CHD9: variants seen among roughly 807,000 people sequenced by gnomAD.
CHD9 encodes the protein chromodomain helicase DNA binding protein 9.
Under a neutral mutation model 316.1 loss-of-function variants are expected in CHD9, and 77 were observed. The observed-to-expected ratio is 0.24, with a 90% CI of 0.20 to 0.29. CHD9 has a LOEUF of 0.29. Among genes scored for constraint, CHD9 ranks in the 10% least tolerant of loss-of-function variants. The pLI is 1.00. For synonymous variants in CHD9, 1,129 were observed against 1,158.3 expected (o/e 0.97, Z 0.51); for missense variants, 2,763 against 3,438.1 (o/e 0.80, Z 4.91).
chr16:53,170,877 A>G (rs1001903809), intron 2 of CHD9, among the ~76,000 whole-genome samples: 1 of 152,156 alleles, frequency 6.6e-6, no homozygotes, highest in African/African-American at 2.4e-5. Context: ...AACACTTATC[A>G]TAAATAATAC....
chr16:53,256,218 CT>C (rs766285927), intron 19 of CHD9, among the ~76,000 whole-genome samples: 4 of 152,002 alleles, frequency 2.6e-5, no homozygotes, highest in Non-Finnish European at 5.9e-5. Flanking sequence ...AATCCCAGCA[CT>C]TTGGGAGCCA....
At chr16:53,251,382 G>C (rs1186371592) in intron 17 of CHD9, among the ~76,000 whole-genome samples, 1 of 152,170 alleles carries the variant, frequency 6.6e-6, no homozygotes, top group Non-Finnish European at 1.5e-5. Flanking sequence ...AAAGTATCCT[G>C]AATCTCCCAA....
At chr16:53,159,135 A>G (rs1264984739) in intron 2 of CHD9, among the ~76,000 whole-genome samples, 1 of 152,106 alleles carries the variant, frequency 6.6e-6, no homozygotes, top group East Asian at 1.9e-4. Flanking sequence ...TTAAAAAATT[A>G]GCCAGGTATG....
intron 1 of CHD9, among the ~76,000 whole-genome samples, chr16:53,122,626 A>C (rs2038791895): frequency 6.7e-6 from 1 of 150,052 alleles, no homozygotes; most frequent in African/African-American, 2.5e-5. Flanking sequence ...CTCACTGCAA[A>C]CTCCACCTCC....
chr16:53,254,979 T>C (rs1054685423), intron 18 of CHD9, among the ~76,000 whole-genome samples: 1 of 152,176 alleles, frequency 6.6e-6, no homozygotes, highest in Non-Finnish European at 1.5e-5. Context: ...TGGCTTTTTT[T>C]TCGCTCAAGG....
chr16:53,139,265 T>C (rs1478813825), intron 1 of CHD9, among the ~76,000 whole-genome samples: 1 of 152,062 alleles, frequency 6.6e-6, no homozygotes, highest in Non-Finnish European at 1.5e-5. Context: ...ATAAAATAAC[T>C]ACAGTGAGAT....
intron 24 of CHD9, among the ~76,000 whole-genome samples, chr16:53,278,728 C>T (rs2053114565): frequency 6.6e-6 from 1 of 152,292 alleles, no homozygotes; most frequent in South Asian, 2.1e-4. Flanking sequence ...CAAAAGAAGA[C>T]ATTTATGCAG....
chr16:53,262,144 C>T, intron 19 of CHD9, among the ~76,000 whole-genome samples: 1 of 152,084 alleles, frequency 6.6e-6, no homozygotes, highest in East Asian at 1.9e-4. Context: ...CCATATTCTT[C>T]TATTTATTTT....
In CHD9 at chr16:53,304,132, A is replaced by G. The variant is rs777804388; in HGVS notation, c.6126A>G (p.Leu2042=). The change falls in exon 31 of 39, where the codon CTA becomes CTG. Residue 2042 remains leucine (L), a synonymous_variant. Coordinates refer to ENST00000447540, the MANE Select transcript of CHD9 (RefSeq NM_001308319.2). ...PRLLDAKGII[L]EEMKVKSENL... is the part of the protein sequence containing the mutation. ...TCCTAGATGCTAAAGGTATTATTCT[A>G]GAGGAGATGAAAGTTAAAAGTGAAA... The G allele has an allele frequency of 2.1e-5, 34 of 1,613,278 alleles. No individual in the cohort carries two copies. The highest frequency in any genetic ancestry group is 1.0e-4 in the Admixed American group (6 of 59,828).
chr16:53,255,020 C>T (rs185117863), intron 18 of CHD9, among the ~76,000 whole-genome samples: 3 of 151,890 alleles, frequency 2.0e-5, no homozygotes, highest in Admixed American at 2.0e-4. Flanking sequence ...GTAATAGGAT[C>T]CTAGTACTGG....
At chr16:53,124,336 TG>T (rs1310298770) in intron 1 of CHD9, among the ~76,000 whole-genome samples, 1 of 152,080 alleles carries the variant, frequency 6.6e-6, no homozygotes, top group Non-Finnish European at 1.5e-5. Flanking sequence ...TCCACAGGGT[TG>T]GGGAGGCCTC....
intron 1 of CHD9, among the ~76,000 whole-genome samples, chr16:53,113,841 G>C (rs2038061052): frequency 2.0e-5 from 3 of 152,004 alleles, no homozygotes; most frequent in Admixed American, 2.0e-4. Context: ...GAGTAGCTAG[G>C]ACTACAGCAT....
chr16:53,254,416 A>G (rs753771184), intron 17 of CHD9, 22 bp from the exon 18 acceptor site: 4 of 1,516,006 alleles, frequency 2.6e-6, no homozygotes, highest in East Asian at 2.3e-5. Flanking sequence ...CTAATTAAAT[A>G]TGTAACTTTT....
Position 53,146,419 on chromosome 16 carries a change from G to GTATATATA in CHD9, c.-164-9496_-164-9489dup, listed in dbSNP as rs757165644. Among the ~76,000 whole-genome samples, 202 of 76,690 alleles carry GTATATATA rather than the reference G, an allele frequency of 2.6e-3. 17 individuals are homozygous for GTATATATA. The highest frequency in any genetic ancestry group is 0.01 in the East Asian group (30 of 2,866). The allele number at this position is 76,690 out of a possible 152,430, so 50.3% of individuals were successfully genotyped here. ...AAAAAAAAATTGTGTGTGTGTGTAT[G>GTATATATA]TATATATATATATATATAATTAAAA... On this transcript the variant is annotated intron_variant, in intron 1 of 38. Transcript: ENST00000447540.
At chr16:53,314,041 A>G in intron 34 of CHD9, among the ~76,000 whole-genome samples, 1 of 152,268 alleles carries the variant, frequency 6.6e-6, no homozygotes, top group Non-Finnish European at 1.5e-5. Flanking sequence ...TTTTAAAAAA[A>G]CAAGCTTTTG....
Position 53,318,262 on chromosome 16 carries a change from A to G in CHD9, c.7635A>G (p.Arg2545=). The G allele has an allele frequency of 6.2e-7, 1 of 1,613,230 alleles. No homozygotes were observed. Among genetic ancestry groups the G allele is most frequent in the South Asian group, 1.1e-5 (1 of 90,990 alleles). Residue 2545 remains arginine, a synonymous_variant, in exon 37 of 39, where the codon AGA becomes AGG. Coordinates refer to ENST00000447540, the MANE Select transcript of CHD9 (RefSeq NM_001308319.2). ...CCAAACAAAAAAGACACCGTTGCAG[A>G]AACCCCAATAAACTAGATGTGAATA... The part of the protein sequence containing the change: ...GRPKQKRHRC[R]NPNKLDVNSL...
At chr16:53,296,775 A>G (rs559400753) in intron 29 of CHD9, among the ~76,000 whole-genome samples, 181 bp from the exon 30 acceptor site, 6 of 152,322 alleles carry the variant, frequency 3.9e-5, no homozygotes, top group Admixed American at 2.6e-4. Flanking sequence ...AAAAAAAAGT[A>G]TGGTTGGATA....
chr16:53,235,098 T>TA (rs1193681807), intron 10 of CHD9, 87 bp from the exon 11 acceptor site: 3 of 1,085,724 alleles, frequency 2.8e-6, no homozygotes, highest in Non-Finnish European at 2.6e-6. Context: ...TTATGCCTCT[T>TA]AGGGTTATTT....
intron 1 of CHD9, among the ~76,000 whole-genome samples, chr16:53,124,828 T>G (rs1226061304): frequency 6.6e-6 from 1 of 151,696 alleles, no homozygotes; most frequent in African/African-American, 2.4e-5. Context: ...CCCACCCTCA[T>G]GATTTAATTA....
Sources: gnomAD v4.1 joint callset for allele counts (sites outside exome capture counted in the v4.1 genomes callset) on GRCh38, gnomAD v4.1.1 for gene constraint, MANE v1.5 for transcripts, NCBI Gene and HGNC (gene_info 2026-07-23, HGNC 2026-07-21) for gene names.